The following EEFSEC variants were observed in gnomAD, a reference collection of about 807,000 sequenced individuals.
EEFSEC encodes selenocysteine-specific elongation factor.
A neutral mutation model predicts 42.1 loss-of-function variants in EEFSEC; 43 were observed. The ratio of observed to expected loss-of-function variants is 1.02; its 90% CI spans 0.80 to 1.32. The LOEUF is 1.32. Among genes scored for constraint, EEFSEC ranks in the 40% most tolerant of loss-of-function variants. The probability of loss-of-function intolerance (pLI) is 0.00; values close to 1 mark genes in which losing one functional copy is unlikely to be tolerated. For missense variants in EEFSEC, 745 were observed against 803.6 expected (o/e 0.93, Z 0.88); for synonymous variants, 354 against 339.1 (o/e 1.04, Z -0.48).
At chr3:128,163,369 C>T (rs1225823291) in intron 1 of EEFSEC, among the ~76,000 whole-genome samples, 2 of 152,042 alleles carry the variant, frequency 1.3e-5, no homozygotes, top group East Asian at 3.9e-4. Flanking sequence ...TCCATGTCTC[C>T]TCTTTCCATT....
chr3:128,282,716 G>A (rs957150661), intron 4 of EEFSEC, among the ~76,000 whole-genome samples: 23 of 152,342 alleles, frequency 1.5e-4, no homozygotes, highest in African/African-American at 5.5e-4. Context: ...TTCAGGTGGG[G>A]AAAATCTAGG....
chr3:128,250,708 T>C (rs2066176172), intron 2 of EEFSEC, among the ~76,000 whole-genome samples: 1 of 152,278 alleles, frequency 6.6e-6, no homozygotes, highest in African/African-American at 2.4e-5. Context: ...AAGATTGTTT[T>C]GGCTATCTGG....
intron 4 of EEFSEC, among the ~76,000 whole-genome samples, chr3:128,313,413 C>T (rs2066911517): frequency 6.6e-6 from 1 of 152,218 alleles, no homozygotes; most frequent in Non-Finnish European, 1.5e-5. Flanking sequence ...ATGTGGGAGC[C>T]ACGGGTGGCA....
chr3:128,371,907 G>A (rs1416220486), intron 6 of EEFSEC, among the ~76,000 whole-genome samples: 4 of 152,176 alleles, frequency 2.6e-5, no homozygotes, highest in Admixed American at 2.6e-4. Context: ...GTGGTGGGGG[G>A]CCCTGAGCTC....
At chr3:128,199,883 G>A (rs1422917494) in intron 1 of EEFSEC, among the ~76,000 whole-genome samples, 2 of 151,938 alleles carry the variant, frequency 1.3e-5, no homozygotes, top group Admixed American at 6.6e-5. Context: ...ACAGGCGCAC[G>A]CCACCACGCC....
At chr3:128,360,277 CTCCAGGGAGCA>C in intron 6 of EEFSEC, among the ~76,000 whole-genome samples, 1 of 152,364 alleles carries the variant, frequency 6.6e-6, no homozygotes, top group South Asian at 2.1e-4. Flanking sequence ...CCTCTCTGGA[CTCCAGGGAGCA>C]TGCAGGGGGC....
chr3:128,411,732 C>A (rs926352125), downstream of EEFSEC, among the ~76,000 whole-genome samples: 1 of 152,242 alleles, frequency 6.6e-6, no homozygotes, highest in Non-Finnish European at 1.5e-5. Flanking sequence ...TCCCTGGAAT[C>A]GAGACTCTGA....
chr3:128,331,527 C>T (rs2067133377), intron 4 of EEFSEC, among the ~76,000 whole-genome samples: 1 of 150,984 alleles, frequency 6.6e-6, no homozygotes, highest in African/African-American at 2.4e-5. Context: ...TCTCCTTCCT[C>T]AATGCATCCC....
chr3:128,159,970 T>G (rs932762911), intron 1 of EEFSEC, among the ~76,000 whole-genome samples: 1 of 152,262 alleles, frequency 6.6e-6, no homozygotes, highest in Non-Finnish European at 1.5e-5. Flanking sequence ...AGCAGGAACC[T>G]TGTTTGTCTC....
intron 6 of EEFSEC, among the ~76,000 whole-genome samples, chr3:128,386,523 G>A (rs1245293332): frequency 6.6e-6 from 1 of 152,136 alleles, no homozygotes; most frequent in African/African-American, 2.4e-5. Context: ...GCTGAGGGTA[G>A]TGAGGCCAGG....
chr3:128,242,462 T>A (rs2955084), intron 1 of EEFSEC, among the ~76,000 whole-genome samples: 142,387 of 152,236 alleles, frequency 0.94, 66,735 homozygotes, highest in East Asian at 1. Flanking sequence ...ATGTAACATT[T>A]TTTCTCCTTC....
At chr3:128,169,531 A>G (rs943620999) in intron 1 of EEFSEC, among the ~76,000 whole-genome samples, 2 of 152,298 alleles carry the variant, frequency 1.3e-5, no homozygotes, top group East Asian at 1.9e-4. Flanking sequence ...TGGCTATCCT[A>G]TTGGCCTTTA....
intron 6 of EEFSEC, among the ~76,000 whole-genome samples, chr3:128,365,417 T>G (rs749745177): frequency 4.1e-4 from 62 of 152,208 alleles, no homozygotes; most frequent in Non-Finnish European, 6.3e-4. Context: ...CACTTTCCAG[T>G]CTGTGCTTCA....
At chr3:128,290,367 G>A (rs2066630131) in intron 4 of EEFSEC, among the ~76,000 whole-genome samples, 1 of 151,590 alleles carries the variant, frequency 6.6e-6, no homozygotes, top group Non-Finnish European at 1.5e-5. Context: ...AATTGCCTTG[G>A]CATCTCTTAA....
intron 5 of EEFSEC, among the ~76,000 whole-genome samples, chr3:128,347,416 G>T (rs994380328): frequency 6.6e-6 from 1 of 152,152 alleles, no homozygotes; most frequent in African/African-American, 2.4e-5. Context: ...GGTGATAAGG[G>T]AAATAGTTGG....
intron 6 of EEFSEC, among the ~76,000 whole-genome samples, chr3:128,376,772 C>T (rs1381013968): frequency 6.6e-6 from 1 of 152,116 alleles, no homozygotes; most frequent in Non-Finnish European, 1.5e-5. Flanking sequence ...AACTGGGACT[C>T]AGAAGTCTCA....
At chr3:128,175,629 T>C (rs1399292861) in intron 1 of EEFSEC, among the ~76,000 whole-genome samples, 1 of 152,110 alleles carries the variant, frequency 6.6e-6, no homozygotes, top group African/African-American at 2.4e-5. Flanking sequence ...CCCAGATACA[T>C]GGGCTATGCC....
intron 6 of EEFSEC, among the ~76,000 whole-genome samples, chr3:128,378,812 C>A (rs569591663): frequency 6.6e-6 from 1 of 152,226 alleles, no homozygotes; most frequent in Non-Finnish European, 1.5e-5. Flanking sequence ...TCCCGTCCCA[C>A]AGGGAGGCCC....
intron 1 of EEFSEC, among the ~76,000 whole-genome samples, chr3:128,190,185 A>G (rs2065508806): frequency 1.3e-5 from 2 of 152,196 alleles, no homozygotes; most frequent in Admixed American, 1.3e-4. Context: ...TCTAACAACA[A>G]AAATTAACTG....
Sources: allele counts gnomAD v4.1 joint callset (sites outside exome capture counted in the v4.1 genomes callset), GRCh38; gene constraint gnomAD v4.1.1; transcripts MANE v1.5; gene names NCBI Gene and HGNC (gene_info 2026-07-23, HGNC 2026-07-21).